NCAM2: variants seen among roughly 807,000 people sequenced by gnomAD.
The protein encoded by NCAM2 is neural cell adhesion molecule 2.
Under a neutral mutation model 98.1 loss-of-function variants are expected in NCAM2, and 30 were observed. The ratio of observed to expected loss-of-function variants is 0.31; its 90% CI spans 0.23 to 0.41. NCAM2 has a LOEUF of 0.41. Ranked by LOEUF, NCAM2 falls within the 10% of genes least tolerant of loss-of-function variation. The pLI, the probability that NCAM2 is intolerant of heterozygous loss-of-function variation, is 1.00. For missense variants in NCAM2, 867 were observed against 1,005.8 expected, an observed-to-expected ratio of 0.86 and a Z score of 1.87; for synonymous variants, 368 against 342.4, an observed-to-expected ratio of 1.07 and a Z score of -0.83.
At chr21:21,215,355 A>G (rs1351235967) in intron 1 of NCAM2, among the ~76,000 whole-genome samples, 2 of 152,170 alleles carry the variant, frequency 1.3e-5, no homozygotes, top group Non-Finnish European at 2.9e-5. Context: ...GAAAAATATA[A>G]AGATCATTTT....
chr21:21,222,434 TA>T (rs2070207665), intron 1 of NCAM2, among the ~76,000 whole-genome samples: 1 of 152,174 alleles, frequency 6.6e-6, no homozygotes, highest in Non-Finnish European at 1.5e-5. Context: ...TACATGCCAT[TA>T]AGAATGTTTG....
intron 1 of NCAM2, among the ~76,000 whole-genome samples, chr21:21,047,960 G>A (rs2065032911): frequency 1.3e-5 from 2 of 152,104 alleles, no homozygotes; most frequent in South Asian, 2.1e-4. Flanking sequence ...AAATCAAAAT[G>A]TTTTACCCCA....
chr21:21,288,236 G>A (rs2073171607), intron 4 of NCAM2, among the ~76,000 whole-genome samples: 1 of 151,842 alleles, frequency 6.6e-6, no homozygotes, highest in South Asian at 2.1e-4. Flanking sequence ...TTTTTCATCA[G>A]CAGTTGTTTG....
chr21:21,403,630 C>T (rs1246545338), intron 9 of NCAM2, among the ~76,000 whole-genome samples: 1 of 152,126 alleles, frequency 6.6e-6, no homozygotes, highest in Non-Finnish European at 1.5e-5. Context: ...AGTGTACAAT[C>T]AAATATATCA....
intron 1 of NCAM2, among the ~76,000 whole-genome samples, chr21:21,237,241 C>T (rs1166077964): frequency 6.6e-6 from 1 of 152,044 alleles, no homozygotes; most frequent in Non-Finnish European, 1.5e-5. Context: ...CTGCAGAGAG[C>T]CCTGAGAAAT....
Position 21,539,490 on chromosome 21 carries a change from T to G in NCAM2, c.*1533T>G, listed in dbSNP as rs1990144930. On this transcript the variant is annotated 3_prime_UTR_variant, in exon 18 of 18. Transcript: ENST00000400546. Reference sequence around the variant, plus strand: ...CTCTGGGTGTGTCTCTCTGTAGAGATAACCTGATGATTATTAAATGTAAAA... The same window carrying G: ...CTCTGGGTGTGTCTCTCTGTAGAGAGAACCTGATGATTATTAAATGTAAAA... 1 of 152,154 alleles carries G rather than the reference T, an allele frequency of 6.6e-6. No homozygotes were observed. Among genetic ancestry groups the G allele is most frequent in the Non-Finnish European group, 1.5e-5 (1 of 68,024 alleles). The allele number at this position is 152,154 out of a possible 1,614,324, so 9.4% of individuals were successfully genotyped here. A position where few individuals can be genotyped will look rare whatever the true frequency, so the allele number is the denominator to read the frequency against.
chr21:21,112,632 A>G (rs767442953), intron 1 of NCAM2, among the ~76,000 whole-genome samples: 1 of 152,190 alleles, frequency 6.6e-6, no homozygotes, highest in Non-Finnish European at 1.5e-5. Context: ...CAGTCCTGAT[A>G]ACTCCATTTA....
intron 1 of NCAM2, among the ~76,000 whole-genome samples, chr21:21,119,307 T>C (rs1313998949): frequency 1.3e-5 from 2 of 152,198 alleles, no homozygotes; most frequent in Non-Finnish European, 2.9e-5. Flanking sequence ...TAATTTCATA[T>C]CTTGTTTCTT....
Position 21,440,206 on chromosome 21 carries a change from G to C in NCAM2, c.1654+7925G>C, listed in dbSNP as rs2146075968. 2.0e-5 allele frequency among the ~76,000 whole-genome samples: 3 copies of C among 152,158 alleles called. No homozygotes were observed. In the Middle Eastern group the frequency reaches 0.01, roughly 518 times the overall value. Reference sequence around the variant, plus strand: ...AAAATAATTTGATTTTTATATATGAGTTCAAAGATGGTACCAAAAGTATTC... The same window carrying C: ...AAAATAATTTGATTTTTATATATGACTTCAAAGATGGTACCAAAAGTATTC... On this transcript the variant is annotated intron_variant, in intron 12 of 17. Coordinates refer to ENST00000400546, the MANE Select transcript of NCAM2 (RefSeq NM_004540.5).
intron 1 of NCAM2, among the ~76,000 whole-genome samples, chr21:21,278,109 G>T (rs952203061): frequency 3.3e-5 from 5 of 151,974 alleles, no homozygotes; most frequent in Non-Finnish European, 7.4e-5. Flanking sequence ...ATATCTTAAA[G>T]AAGAAAGTAA....
intron 1 of NCAM2, among the ~76,000 whole-genome samples, chr21:21,259,171 C>T (rs1385687296): frequency 6.6e-6 from 1 of 152,046 alleles, no homozygotes; most frequent in African/African-American, 2.4e-5. Flanking sequence ...AGAGTGGGGC[C>T]CAACTTCCCC....
At chr21:21,106,909 T>C (rs2066360686) in intron 1 of NCAM2, among the ~76,000 whole-genome samples, 1 of 152,106 alleles carries the variant, frequency 6.6e-6, no homozygotes, top group Non-Finnish European at 1.5e-5. Flanking sequence ...ATAAAAACTA[T>C]TTCTCAAAAA....
rs62207437 is a variant in NCAM2, at chr21:21,411,063, T to C, written c.1383+602T>C. ...ATATATATATGTGTGTGTATATATA[T>C]ATATATACACACACATATATATATG... On this transcript the variant is annotated intron_variant, in intron 10 of 17. Transcript: ENST00000400546. 3.0e-5 allele frequency among the ~76,000 whole-genome samples: 2 copies of C among 67,620 alleles called. 1 individual carries two copies. Among genetic ancestry groups the C allele is most frequent in the Non-Finnish European group, 5.5e-5 (2 of 36,472 alleles). The allele number at this position is 67,620 out of a possible 152,430, so 44.4% of individuals were successfully genotyped here. A position where few individuals can be genotyped will look rare whatever the true frequency, so the allele number is the denominator to read the frequency against.
In NCAM2 at chr21:21,181,561, A is replaced by G. The variant is rs982684809; in HGVS notation, c.56-99017A>G. On this transcript the variant is annotated intron_variant, in intron 1 of 17. Transcript: ENST00000400546. The stretch of plus-strand genomic sequence containing the variant: ...TATGAATTTTGTGAATGTGCCTATG[A>G]CTGATGGCCACACATCCTTCGTAGG... Among the ~76,000 whole-genome samples the G allele has an allele frequency of 4.6e-5, 7 of 152,244 alleles. No homozygotes were observed. The South Asian group carries it at 1.4e-3, about 32-fold the overall frequency.
chr21:21,394,469 C>CT (rs532068473), intron 9 of NCAM2, among the ~76,000 whole-genome samples: 1,345 of 57,662 alleles, frequency 0.023, 370 homozygotes, highest in Non-Finnish European at 0.029. Context: ...AAGGGGCCAG[C>CT]TTTTTTTTTT....
chr21:21,458,837 A>T (rs570757846), intron 12 of NCAM2, among the ~76,000 whole-genome samples: 1 of 152,322 alleles, frequency 6.6e-6, no homozygotes, highest in South Asian at 2.1e-4. Flanking sequence ...AAAAGCAAAA[A>T]TAAACAAGTG....
At chr21:21,431,824 G>A (rs989195039) in intron 11 of NCAM2, among the ~76,000 whole-genome samples, 1 of 151,348 alleles carries the variant, frequency 6.6e-6, no homozygotes, top group Non-Finnish European at 1.5e-5. Context: ...TCAATAAAAT[G>A]TTTATATCGT....
At chr21:21,259,575 G>A (rs1230714740) in intron 1 of NCAM2, among the ~76,000 whole-genome samples, 1 of 152,016 alleles carries the variant, frequency 6.6e-6, no homozygotes, top group Non-Finnish European at 1.5e-5. Flanking sequence ...ACTCTTAAAT[G>A]CCACCTACTG....
intron 9 of NCAM2, among the ~76,000 whole-genome samples, chr21:21,398,986 A>G (rs779490902): frequency 3.9e-5 from 6 of 152,172 alleles, no homozygotes; most frequent in Non-Finnish European, 8.8e-5. Context: ...ATATTAAGTC[A>G]GTACAAATTT....
Sources: gnomAD v4.1 joint callset for allele counts (sites outside exome capture counted in the v4.1 genomes callset) on GRCh38, gnomAD v4.1.1 for gene constraint, MANE v1.5 for transcripts, NCBI Gene and HGNC (gene_info 2026-07-23, HGNC 2026-07-21) for gene names.